The following PTPDC1 variants were observed in gnomAD, a reference collection of about 807,000 sequenced individuals.
The protein encoded by PTPDC1 is protein tyrosine phosphatase domain containing 1, also known as protein tyrosine phosphatase domain-containing protein 1.
A neutral mutation model predicts 75.3 loss-of-function variants in PTPDC1; 53 were observed. The observed-to-expected ratio is 0.70, with a 90% CI of 0.56 to 0.88. The LOEUF is 0.88. Among genes scored for constraint, PTPDC1 ranks in the 40% least tolerant of loss-of-function variants. The pLI is 0.00. For synonymous variants in PTPDC1, 349 were observed against 366.2 expected, an observed-to-expected ratio of 0.95 and a Z score of 0.54; for missense variants, 925 against 998.6, an observed-to-expected ratio of 0.93 and a Z score of 0.99.
In PTPDC1 at chr9:94,104,316, G is replaced by T. The variant is rs1169488089; in HGVS notation, c.2241G>T (p.Val747=). The part of the protein sequence containing the change: ...QTILCVLHCI[V]NLQTIPVDVE... ...TTCTCTGCGTGTTGCACTGCATAGT[G>T]AACCTGCAGACAATTCCCGTGGATG... is the stretch of plus-strand genomic sequence containing the variant. Residue 747 remains valine, a synonymous_variant, in exon 8 of 9, where the codon GTG becomes GTT. Transcript: ENST00000620992. 6.2e-7 allele frequency: 1 copy of T among 1,613,906 alleles called. No homozygotes were observed. Among genetic ancestry groups the T allele is most frequent in the Admixed American group, 1.7e-5 (1 of 60,018 alleles).
intron 5 of PTPDC1, 32 bp from the exon 6 acceptor site, chr9:94,097,289 C>T: frequency 7.2e-7 from 1 of 1,389,264 alleles, no homozygotes; most frequent in South Asian, 1.4e-5. Flanking sequence ...GTAAGCTTTT[C>T]TCATACCAGT....
chr9:94,066,981 C>T (rs566062606), intron 2 of PTPDC1, among the ~76,000 whole-genome samples: 3 of 152,174 alleles, frequency 2.0e-5, no homozygotes, highest in Non-Finnish European at 1.5e-5. Context: ...CATCATCCCT[C>T]AAATATGTAC....
rs564996961 is a variant in PTPDC1 at position 94,069,522 on chromosome 9, CT to C, written c.82+4718del. 2.8e-3 allele frequency among the ~76,000 whole-genome samples: 375 copies of C among 135,736 alleles called. 1 individual carries two copies. Among genetic ancestry groups the C allele is most frequent in the East Asian group, 0.025 (117 of 4,742 alleles). 89.0% of individuals were successfully genotyped at this position (135,736 alleles called of 152,430 possible). ...CAAGTTCACTTTGGTACTTCCAATT[CT>C]TTTTTTTTTTTTTTTTGGACAGAGT... is the stretch of plus-strand genomic sequence containing the variant. On this transcript the variant is annotated intron_variant, in intron 2 of 9. Coordinates refer to the PTPDC1 transcript ENST00000375360.
chr9:94,042,243 G>A (rs576561842), intron 1 of PTPDC1, among the ~76,000 whole-genome samples: 4 of 152,054 alleles, frequency 2.6e-5, no homozygotes, highest in African/African-American at 9.7e-5. Flanking sequence ...TTATGTACAG[G>A]GTTTTTTGTT....
At chr9:94,076,743 G>C (rs1451104625) in intron 2 of PTPDC1, among the ~76,000 whole-genome samples, 1 of 152,108 alleles carries the variant, frequency 6.6e-6, no homozygotes, top group Non-Finnish European at 1.5e-5. Flanking sequence ...TTAATCATTT[G>C]AGGAACTGCC....
At chr9:94,069,694 T>C (rs1826444859) in intron 2 of PTPDC1, among the ~76,000 whole-genome samples, 1 of 149,618 alleles carries the variant, frequency 6.7e-6, no homozygotes, top group Non-Finnish European at 1.5e-5. Flanking sequence ...CTAATTTTTT[T>C]AGTAGAGACG....
intron 5 of PTPDC1, 115 bp downstream of exon 5, chr9:94,095,569 G>A (rs1360078354): frequency 3.8e-6 from 3 of 797,526 alleles, no homozygotes; most frequent in South Asian, 1.8e-5. Flanking sequence ...TTGGAGTCAG[G>A]TGGAAGAAGG....
intron 1 of PTPDC1, among the ~76,000 whole-genome samples, chr9:94,054,472 A>T (rs554314032): frequency 4.6e-5 from 7 of 152,318 alleles, no homozygotes; most frequent in African/African-American, 1.7e-4. Context: ...CTCCTCTATT[A>T]AAATGTGTTG....
chr9:94,033,723 C>T (rs1294614223), intron 1 of PTPDC1, among the ~76,000 whole-genome samples: 1 of 152,124 alleles, frequency 6.6e-6, no homozygotes, highest in East Asian at 1.9e-4. Flanking sequence ...TTTATGAGTT[C>T]CTATCCTGCT....
At chr9:94,045,823 T>C (rs1825580341) in intron 1 of PTPDC1, among the ~76,000 whole-genome samples, 1 of 151,714 alleles carries the variant, frequency 6.6e-6, no homozygotes, top group Admixed American at 6.6e-5. Context: ...TAGTTTCTTT[T>C]GCTGTGCAGA....
At chr9:94,070,315 G>C (rs532795702) in intron 2 of PTPDC1, among the ~76,000 whole-genome samples, 1 of 151,946 alleles carries the variant, frequency 6.6e-6, no homozygotes, top group Non-Finnish European at 1.5e-5. Context: ...CACAGGGCCC[G>C]TACCCTGCCA....
upstream of PTPDC1, among the ~76,000 whole-genome samples, chr9:94,083,992 GGAT>G (rs746017349): frequency 3.2e-4 from 49 of 152,262 alleles, no homozygotes; most frequent in Non-Finnish European, 6.0e-4. Flanking sequence ...ATGAAAAATT[GGAT>G]GATATTTTAA....
At chr9:94,100,624 A>G (rs939472283) in intron 6 of PTPDC1, 4 of 152,134 alleles carry the variant, frequency 2.6e-5, no homozygotes, top group Non-Finnish European at 4.4e-5. Flanking sequence ...GAGCCCCATT[A>G]TATGTATTGG....
intron 1 of PTPDC1, chr9:94,064,723 T>G (rs760351977): frequency 6.2e-7 from 1 of 1,604,958 alleles, no homozygotes; most frequent in Non-Finnish European, 8.5e-7. Context: ...AAATAATTTT[T>G]TTTCCAACAG....
chr9:94,093,345 G>A (rs1046791709), intron 4 of PTPDC1, among the ~76,000 whole-genome samples: 6 of 149,494 alleles, frequency 4.0e-5, no homozygotes, highest in Non-Finnish European at 4.4e-5. Flanking sequence ...CACTTATGAA[G>A]CTTAGTTTGG....
chr9:94,082,508 G>T (rs887216681), upstream of PTPDC1, among the ~76,000 whole-genome samples: 4 of 152,150 alleles, frequency 2.6e-5, no homozygotes, highest in African/African-American at 9.7e-5. Flanking sequence ...TGTGTTTATT[G>T]TAACTGATTT....
upstream of PTPDC1, among the ~76,000 whole-genome samples, chr9:94,080,845 A>G (rs1826853157): frequency 6.6e-6 from 1 of 152,244 alleles, no homozygotes; most frequent in African/African-American, 2.4e-5. Flanking sequence ...AAGTAGTAAT[A>G]TCTCAACCAT....
chr9:94,061,447 G>GTCCCTACT (rs1826132087), intron 1 of PTPDC1, among the ~76,000 whole-genome samples: 1 of 152,244 alleles, frequency 6.6e-6, no homozygotes, highest in Non-Finnish European at 1.5e-5. Flanking sequence ...GTGCCCCAGT[G>GTCCCTACT]GGGACTCTGT....
upstream of PTPDC1, among the ~76,000 whole-genome samples, chr9:94,082,007 T>A (rs1826899793): frequency 6.6e-6 from 1 of 152,210 alleles, no homozygotes; most frequent in South Asian, 2.1e-4. Context: ...CCCAGCGTGT[T>A]GGCAGGCATC....
Sources: allele counts gnomAD v4.1 joint callset (sites outside exome capture counted in the v4.1 genomes callset), GRCh38; gene constraint gnomAD v4.1.1; transcripts MANE v1.5; gene names NCBI Gene and HGNC (gene_info 2026-07-23, HGNC 2026-07-21).